Variants in FER observed in about 807,000 individuals in gnomAD.
FER encodes the protein FER tyrosine kinase, also known as tyrosine-protein kinase Fer.
A neutral mutation model predicts 111.0 loss-of-function variants in FER; 63 were observed. That is an observed-to-expected ratio of 0.57 (90% confidence interval 0.46 to 0.70). The LOEUF is 0.70. FER is among the 30% of genes least tolerant of loss of function. FER has a pLI of 0.00. For synonymous variants in FER, 327 were observed against 313.9 expected, an observed-to-expected ratio of 1.04 and a Z score of -0.44; for missense variants, 914 against 954.0, an observed-to-expected ratio of 0.96 and a Z score of 0.55.
At chr5:109,133,801 T>C (rs533555217) in intron 17 of FER, among the ~76,000 whole-genome samples, 42 of 152,286 alleles carry the variant, frequency 2.8e-4, no homozygotes, top group African/African-American at 9.9e-4. Context: ...CAGCATTCTT[T>C]TAAAGCCTAT....
intron 10 of FER, among the ~76,000 whole-genome samples, chr5:108,933,133 A>G (rs1226033085): frequency 6.6e-6 from 1 of 152,072 alleles, no homozygotes; most frequent in Non-Finnish European, 1.5e-5. Flanking sequence ...TTTTGTTGCC[A>G]TTGCTTTTGG....
At chr5:108,752,615 A>G (rs765240512) in intron 1 of FER, among the ~76,000 whole-genome samples, 4 of 152,114 alleles carry the variant, frequency 2.6e-5, no homozygotes, top group Non-Finnish European at 5.9e-5. Flanking sequence ...AGTTTACCAT[A>G]TAAAACTGCT....
At chr5:109,084,247 T>C (rs1429633989) in intron 16 of FER, among the ~76,000 whole-genome samples, 3 of 152,068 alleles carry the variant, frequency 2.0e-5, no homozygotes, top group Non-Finnish European at 4.4e-5. Flanking sequence ...TGAATGATAC[T>C]GAACTCTCTT....
intron 17 of FER, among the ~76,000 whole-genome samples, chr5:109,124,943 G>A (rs1304786107): frequency 1.3e-5 from 2 of 151,386 alleles, no homozygotes; most frequent in Non-Finnish European, 2.9e-5. Context: ...CTACTCGGGA[G>A]GCTGAGGCAG....
At chr5:109,106,178 C>T (rs1748897268) in intron 17 of FER, among the ~76,000 whole-genome samples, 1 of 152,194 alleles carries the variant, frequency 6.6e-6, no homozygotes, top group East Asian at 1.9e-4. Context: ...GATGACTAAG[C>T]TTATATTTAA....
intron 13 of FER, among the ~76,000 whole-genome samples, chr5:108,976,404 A>G (rs1761343277): frequency 1.3e-5 from 2 of 152,140 alleles, no homozygotes; most frequent in African/African-American, 2.4e-5. Flanking sequence ...TCTTTGTCTC[A>G]TCAAGGTTTT....
At chr5:108,967,674 C>A (rs550613402) in intron 13 of FER, among the ~76,000 whole-genome samples, 139 of 146,814 alleles carry the variant, frequency 9.5e-4, no homozygotes, top group Non-Finnish European at 1.7e-3. Flanking sequence ...GCAGGAGAAT[C>A]GCTTGAACCC....
intron 13 of FER, among the ~76,000 whole-genome samples, chr5:109,022,067 C>A (rs1478917629): frequency 6.6e-6 from 1 of 152,076 alleles, no homozygotes. Flanking sequence ...TTTTGGCAGT[C>A]TACCAGTTAC....
chr5:109,073,958 C>A lies in FER; in HGVS notation c.1925-26438C>A, dbSNP rs138571619. On this transcript the variant is annotated intron_variant, in intron 16 of 19. Transcript: ENST00000281092. Reference sequence around the variant, plus strand: ...AGCTTTAAATATTGAGTAAAAGAATCATTACCTAAAAATTTTACACTTTTC... The same window carrying A: ...AGCTTTAAATATTGAGTAAAAGAATAATTACCTAAAAATTTTACACTTTTC... Among the ~76,000 whole-genome samples the A allele has an allele frequency of 9.2e-3, 1,405 of 152,072 alleles. 17 individuals carry two copies. The highest frequency in any genetic ancestry group is 0.032 in the African/African-American group (1,348 of 41,516).
chr5:108,969,427 A>G (rs1249287533), intron 13 of FER, among the ~76,000 whole-genome samples: 6 of 152,138 alleles, frequency 3.9e-5, no homozygotes, highest in African/African-American at 1.4e-4. Flanking sequence ...AGTTTAGGTT[A>G]TGTTGTTACC....
chr5:108,755,574 C>T (rs1027115260), intron 1 of FER, among the ~76,000 whole-genome samples: 3 of 152,092 alleles, frequency 2.0e-5, no homozygotes, highest in Admixed American at 2.0e-4. Flanking sequence ...CAACCTCCAC[C>T]TCCCGGGTTC....
chr5:109,052,505 G>A (rs2228972), intron 16 of FER: 180,863 of 827,518 alleles, frequency 0.22, 22,418 homozygotes, highest in African/African-American at 0.43. Context: ...AGTCACGCCA[G>A]GTGATTGAAC....
chr5:108,943,466 C>G (rs1756549332), intron 10 of FER, among the ~76,000 whole-genome samples: 2 of 152,100 alleles, frequency 1.3e-5, no homozygotes, highest in Non-Finnish European at 2.9e-5. Context: ...TTTTGGTTGT[C>G]ACTTTCTACA....
intron 17 of FER, among the ~76,000 whole-genome samples, chr5:109,124,939 G>A (rs986875455): frequency 1.3e-5 from 2 of 151,198 alleles, no homozygotes; most frequent in Non-Finnish European, 1.5e-5. Flanking sequence ...CCAGCTACTC[G>A]GGAGGCTGAG....
At chr5:108,846,215 G>C (rs1484381177) in intron 5 of FER, among the ~76,000 whole-genome samples, 2 of 152,066 alleles carry the variant, frequency 1.3e-5, no homozygotes, top group African/African-American at 4.8e-5. Flanking sequence ...ATCTGGATCT[G>C]CTTGTTTTTA....
Position 108,835,713 on chromosome 5 carries a change from C to A in FER, c.387C>A (p.Thr129=), listed in dbSNP as rs759480704. ...QQIEAEMIKV[T]KTELEKLKCS... ...GCATTTTGTTTCTTTGACAGGTTAC[C>A]AAAACAGAATTGGAGAAGTTAAAAT... The change falls in exon 5 of 20, where the codon ACC becomes ACA. Residue 129 remains threonine (T), a synonymous_variant. Coordinates refer to ENST00000281092, the MANE Select transcript of FER (RefSeq NM_005246.4). 3.2e-6 allele frequency: 5 copies of A among 1,552,526 alleles called. No individual in the cohort carries two copies. The highest frequency in any genetic ancestry group is 4.3e-6 in the Non-Finnish European group (5 of 1,154,706).
At chr5:109,153,611 A>ATTC (rs1755076307) in intron 17 of FER, among the ~76,000 whole-genome samples, 6 of 151,900 alleles carry the variant, frequency 3.9e-5, no homozygotes, top group Non-Finnish European at 8.8e-5. Flanking sequence ...TTCACTGCAT[A>ATTC]ACACAGTAGT....
At chr5:108,938,044 A>G (rs1755759677) in intron 10 of FER, among the ~76,000 whole-genome samples, 1 of 148,666 alleles carries the variant, frequency 6.7e-6, no homozygotes, top group African/African-American at 2.5e-5. Context: ...ACACACACAC[A>G]CACACACACA....
At chr5:109,020,572 A>G (rs971050828) in intron 13 of FER, among the ~76,000 whole-genome samples, 1 of 152,024 alleles carries the variant, frequency 6.6e-6, no homozygotes, top group African/African-American at 2.4e-5. Flanking sequence ...TTTTTTGGTT[A>G]CTAAAATTGG....
Sources: allele counts gnomAD v4.1 joint callset (sites outside exome capture counted in the v4.1 genomes callset), GRCh38; gene constraint gnomAD v4.1.1; transcripts MANE v1.5; gene names NCBI Gene and HGNC (gene_info 2026-07-23, HGNC 2026-07-21).